Variants in SORCS3 observed in about 807,000 individuals in gnomAD.
SORCS3 encodes the protein VPS10 domain-containing receptor SorCS3.
A neutral mutation model predicts 146.3 loss-of-function variants in SORCS3; 57 were observed. That is an observed-to-expected ratio of 0.39 (90% CI 0.31 to 0.49). The LOEUF is 0.49. Among genes scored for constraint, SORCS3 ranks in the 20% least tolerant of loss-of-function variants. SORCS3 has a pLI of 0.92. For synonymous variants in SORCS3, 653 were observed against 618.5 expected (o/e 1.06, Z -0.83); for missense variants, 1,341 against 1,575.5 (o/e 0.85, Z 2.52).
chr10:104,977,540 C>G, intron 4 of SORCS3, 47 bp downstream of exon 4: 1 of 1,506,722 alleles, frequency 6.6e-7, no homozygotes, highest in East Asian at 2.4e-5. Context: ...CAGGTACCAC[C>G]ATGTGAAAAT....
chr10:104,876,842 GCTTTT>G (rs1276387316), intron 2 of SORCS3, among the ~76,000 whole-genome samples: 2 of 121,570 alleles, frequency 1.6e-5, no homozygotes, highest in Non-Finnish European at 3.6e-5. Flanking sequence ...TTCTTTCTCT[GCTTTT>G]CTTTTTTCTC....
At chr10:104,754,600 G>C (rs1348597258) in intron 1 of SORCS3, among the ~76,000 whole-genome samples, 1 of 150,380 alleles carries the variant, frequency 6.6e-6, no homozygotes, top group African/African-American at 2.4e-5. Flanking sequence ...TTGAAAGATA[G>C]ATAAGCTTCC....
chr10:105,045,331 C>T (rs1262949523), intron 5 of SORCS3, among the ~76,000 whole-genome samples: 1 of 152,162 alleles, frequency 6.6e-6, no homozygotes, highest in African/African-American at 2.4e-5. Context: ...TGTTTTGTCT[C>T]TTCTCCACTC....
intron 16 of SORCS3, among the ~76,000 whole-genome samples, chr10:105,207,836 A>G (rs1172523901): frequency 2.0e-5 from 3 of 152,200 alleles, no homozygotes; most frequent in Non-Finnish European, 1.5e-5. Flanking sequence ...CAGAACTGCT[A>G]AACACGGTTA....
chr10:104,889,282 C>CTTTTT (rs35462776), intron 2 of SORCS3, among the ~76,000 whole-genome samples: 2 of 122,716 alleles, frequency 1.6e-5, no homozygotes, highest in Non-Finnish European at 3.6e-5. Context: ...ATTTCCTGTG[C>CTTTTT]TTTTTTTTTT....
At chr10:104,954,276 C>T (rs1007361743) in intron 3 of SORCS3, among the ~76,000 whole-genome samples, 1 of 152,056 alleles carries the variant, frequency 6.6e-6, no homozygotes, top group African/African-American at 2.4e-5. Context: ...CACTCCATTG[C>T]CTGGAGTTTT....
chr10:105,143,737 G>T (rs1235659609), intron 8 of SORCS3, among the ~76,000 whole-genome samples: 1 of 152,088 alleles, frequency 6.6e-6, no homozygotes, highest in Non-Finnish European at 1.5e-5. Flanking sequence ...ATTGTAATGA[G>T]TGCTATAAAG....
At position 105,217,080 on chromosome 10, in the gene SORCS3, A is replaced by G. The variant is rs1564787205; in HGVS notation, c.2692A>G (p.Asn898Asp). 4 of 1,614,064 alleles carry G rather than the reference A, an allele frequency of 2.5e-6. No individual in the cohort carries two copies. The highest frequency in any genetic ancestry group is 3.3e-5 in the Admixed American group (2 of 60,004). Reference protein sequence around the residue: ...IFQVTAYAENNLGSDTAVLFL... With the variant: ...IFQVTAYAENDLGSDTAVLFL... ...CCAGGTGACAGCCTATGCAGAGAAC[A>G]ACCTTGGCTCAGACACAGCTGTCCT... Residue 898 changes from asparagine to aspartate, a missense_variant, in exon 19 of 27, where the codon AAC becomes GAC. Physicochemically the swap from Asn to Asp is conservative, Grantham distance 23. Transcript: ENST00000369701.
At chr10:104,820,813 G>A (rs1398582083) in intron 1 of SORCS3, among the ~76,000 whole-genome samples, 1 of 152,182 alleles carries the variant, frequency 6.6e-6, no homozygotes, top group East Asian at 1.9e-4. Context: ...AGAAGTTGCT[G>A]TAATGTTAGG....
intron 1 of SORCS3, among the ~76,000 whole-genome samples, chr10:104,655,111 G>A (rs970387528): frequency 6.6e-6 from 1 of 152,026 alleles, no homozygotes; most frequent in Non-Finnish European, 1.5e-5. Flanking sequence ...AAATTAGCCA[G>A]GTGTGGTGGC....
intron 4 of SORCS3, among the ~76,000 whole-genome samples, chr10:104,993,842 T>G (rs2055008583): frequency 6.6e-6 from 1 of 152,208 alleles, no homozygotes; most frequent in Non-Finnish European, 1.5e-5. Context: ...CATGACTTAA[T>G]CATTAAAGAT....
chr10:104,687,444 C>T (rs1302336531), intron 1 of SORCS3, among the ~76,000 whole-genome samples: 1 of 152,168 alleles, frequency 6.6e-6, no homozygotes, highest in East Asian at 1.9e-4. Context: ...TCTTTATTCT[C>T]TAAAATGAGA....
At position 105,178,086 on chromosome 10, in the gene SORCS3, A is replaced by G. The variant is rs757477438; in HGVS notation, c.1922A>G (p.His641Arg). The G allele has an allele frequency of 6.2e-7, 1 of 1,613,174 alleles. No homozygotes were observed. Among genetic ancestry groups the G allele is most frequent in the Non-Finnish European group, 8.5e-7 (1 of 1,179,598 alleles). ...RHLWVSFDEGHSWDKYGFTSV... is the reference protein window; with the variant it reads ...RHLWVSFDEGRSWDKYGFTSV... ...CACAGGGTGAGTTTTGATGAGGGCCACTCTTGGGACAAGTATGGTTTCACT... is the reference window on the plus strand; with the variant it reads ...CACAGGGTGAGTTTTGATGAGGGCCGCTCTTGGGACAAGTATGGTTTCACT... Residue 641 changes from histidine to arginine, a missense_variant, in exon 14 of 27, where the codon CAC becomes CGC. Coordinates refer to ENST00000369701, the MANE Select transcript of SORCS3 (RefSeq NM_014978.3).
intron 1 of SORCS3, among the ~76,000 whole-genome samples, chr10:104,833,647 C>T (rs754098360): frequency 6.6e-6 from 1 of 152,166 alleles, no homozygotes; most frequent in Non-Finnish European, 1.5e-5. Context: ...TGCCTCGTTT[C>T]ACTGATCTCT....
At chr10:104,998,926 A>G (rs2055043047) in intron 4 of SORCS3, among the ~76,000 whole-genome samples, 1 of 152,154 alleles carries the variant, frequency 6.6e-6, no homozygotes, top group South Asian at 2.1e-4. Flanking sequence ...AGACAGGAAT[A>G]CTCAGATGAT....
intron 2 of SORCS3, among the ~76,000 whole-genome samples, chr10:104,856,290 C>CAT (rs149613301): frequency 0.011 from 1,676 of 149,594 alleles, 32 homozygotes; most frequent in African/African-American, 0.039. Flanking sequence ...TCTCTCTCTA[C>CAT]ATATATATAT....
intron 3 of SORCS3, among the ~76,000 whole-genome samples, chr10:104,958,590 G>A (rs1470227116): frequency 6.6e-6 from 1 of 152,148 alleles, no homozygotes; most frequent in Non-Finnish European, 1.5e-5. Flanking sequence ...AGCTGCTGCT[G>A]GCTTTGAAGA....
intron 3 of SORCS3, among the ~76,000 whole-genome samples, chr10:104,971,321 G>A (rs777169941): frequency 7.7e-4 from 117 of 152,340 alleles, no homozygotes; most frequent in Non-Finnish European, 1.5e-3. Context: ...AGATTTGCAT[G>A]TTTTGGACTA....
intron 4 of SORCS3, among the ~76,000 whole-genome samples, chr10:105,038,465 T>C (rs1368901652): frequency 6.6e-6 from 1 of 152,110 alleles, no homozygotes; most frequent in Admixed American, 6.6e-5. Flanking sequence ...ATGAAAAAAA[T>C]AGAACTTTAA....
Sources: gnomAD v4.1 joint callset for allele counts (sites outside exome capture counted in the v4.1 genomes callset) on GRCh38, gnomAD v4.1.1 for gene constraint, MANE v1.5 for transcripts, NCBI Gene and HGNC (gene_info 2026-07-23, HGNC 2026-07-21) for gene names.